The following TEX52 variants were observed in gnomAD, a reference collection of about 807,000 sequenced individuals.
TEX52 encodes the protein testis expressed 52, also known as testis-expressed protein 52.
A neutral mutation model predicts 17.6 loss-of-function variants in TEX52; 22 were observed. That is an observed-to-expected ratio of 1.25 (90% confidence interval 0.89 to 1.78). The LOEUF (loss-of-function observed/expected upper bound fraction) is 1.78. TEX52 is among the 40% of genes most tolerant of loss of function. The probability of loss-of-function intolerance (pLI) is 0.00; values close to 1 mark genes in which losing one functional copy is unlikely to be tolerated. For missense variants in TEX52, 396 were observed against 372.3 expected, an observed-to-expected ratio of 1.06 and a Z score of -0.52; for synonymous variants, 168 against 147.4, an observed-to-expected ratio of 1.14 and a Z score of -1.01.
At chr12:2,854,333 T>C (rs561794670) in intron 2 of TEX52, among the ~76,000 whole-genome samples, 1 of 152,338 alleles carries the variant, frequency 6.6e-6, no homozygotes, top group Admixed American at 6.5e-5. Flanking sequence ...CCATAACATC[T>C]AACTTTTGTT....
intron 2 of TEX52, among the ~76,000 whole-genome samples, chr12:2,850,231 T>G (rs1023266750): frequency 1.3e-5 from 2 of 152,028 alleles, no homozygotes; most frequent in Non-Finnish European, 2.9e-5. Context: ...ATCCCAGCAC[T>G]TTGGGAGGCC....
chr12:2,855,014 C>T lies in TEX52; in HGVS notation c.505G>A (p.Val169Met), dbSNP rs752038319. The change falls in exon 2 of 3, where the codon GTG becomes ATG. Residue 169 changes from valine (V) to methionine (M), a missense_variant. Physicochemically the swap from Val to Met is conservative, Grantham distance 21. Coordinates refer to ENST00000637658, the MANE Select transcript of TEX52 (RefSeq NM_001365174.2). ...TFVDMKRKKQVIFRTVKELKE... is the reference protein window; with the variant it reads ...TFVDMKRKKQMIFRTVKELKE... ...AACTCCTTCACTGTCCTGAAAATCA[C>T]CTGCTTCTTCCTTTTCATGTCCACA... The T allele has an allele frequency of 2.0e-6, 3 of 1,536,156 alleles. No individual in the cohort carries two copies. The highest frequency in any genetic ancestry group is 2.4e-5 in the South Asian group (2 of 84,058).
At chr12:2,848,443 C>T (rs888971315), downstream of TEX52, among the ~76,000 whole-genome samples, 2 of 152,208 alleles carry the variant, frequency 1.3e-5, no homozygotes, top group Admixed American at 1.3e-4. Context: ...AAGCTGAGGC[C>T]CAAGGCCTCT....
At chr12:2,854,051 GTT>G (rs2098079570) in intron 2 of TEX52, among the ~76,000 whole-genome samples, 4 of 152,328 alleles carry the variant, frequency 2.6e-5, no homozygotes, top group Non-Finnish European at 5.9e-5. Context: ...TAGAGATGGA[GTT>G]TCTCTCTTGT....
chr12:2,856,919 C>T, intron 1 of TEX52, 36 bp downstream of exon 1: 1 of 702,922 alleles, frequency 1.4e-6, no homozygotes. Flanking sequence ...CAGTGGGGTA[C>T]AAAAAGGTAG....
chr12:2,855,994 G>C (rs538885369), intron 1 of TEX52, among the ~76,000 whole-genome samples: 1 of 152,014 alleles, frequency 6.6e-6, no homozygotes, highest in Non-Finnish European at 1.5e-5. Flanking sequence ...TCATTAAAAC[G>C]CTAGTATAGA....
chr12:2,854,420 G>C (rs1047073309), intron 2 of TEX52, among the ~76,000 whole-genome samples: 1 of 152,196 alleles, frequency 6.6e-6, no homozygotes, highest in African/African-American at 2.4e-5. Context: ...CCCTTCATCG[G>C]TGAGGGAGCT....
Position 2,849,508 on chromosome 12 carries a change from GC to G in TEX52, c.640del (p.Ala214LeufsTer39). 7 of 1,536,162 alleles carry G rather than the reference GC, an allele frequency of 4.6e-6. No homozygotes were observed. Among genetic ancestry groups the G allele is most frequent in the Non-Finnish European group, 6.1e-6 (7 of 1,146,918 alleles). ...GCCCTGGGGTTCAAACCTCCCACCA[GC>G]GGATATGTGCCGGTACCTGTTGGGA... ...ASFKKYRHIS[A>X]GGRFEPQGLQ... is the part of the protein sequence containing the mutation. On this transcript the variant is annotated frameshift_variant, in exon 3 of 3. Transcript: ENST00000637658. LOFTEE classifies it low-confidence loss of function (END_TRUNC).
At chr12:2,855,562 T>C (rs908211437) in intron 1 of TEX52, 116 bp from the exon 2 acceptor site, 1 of 805,902 alleles carries the variant, frequency 1.2e-6, no homozygotes. Flanking sequence ...AGGATTCTCA[T>C]GAGGACGCAG....
In TEX52 at chr12:2,854,825, G is replaced by A; in HGVS notation, c.623+71C>T. On this transcript the variant is annotated intron_variant, in intron 2 of 2. Coordinates refer to ENST00000637658, the MANE Select transcript of TEX52 (RefSeq NM_001365174.2). ...AGGACAGAGTCCCGGTTAGAAACAG[G>A]AACCTGAGAGAGGGAGGGGTCACCT... 4 of 1,422,948 alleles carry A rather than the reference G, an allele frequency of 2.8e-6. No homozygotes were observed. The South Asian group carries it at 5.7e-5, about 20-fold the overall frequency. The allele number at this position is 1,422,948 out of a possible 1,614,324, so 88.1% of individuals were successfully genotyped here.
At position 2,855,441 on chromosome 12, in the gene TEX52, G is replaced by A; in HGVS notation, c.78C>T (p.Val26=). Residue 26 remains valine (V), a synonymous_variant, in exon 2 of 3, where the codon GTC becomes GTT. Transcript: ENST00000637658. Reference sequence around the variant, plus strand: ...AGGGTGGGAGGGACTCGCTGGCCTGGACCATCTAGGGAGAGACAAAAGGGA... The same window carrying A: ...AGGGTGGGAGGGACTCGCTGGCCTGAACCATCTAGGGAGAGACAAAAGGGA... ...SHMEEPFLQM[V]QASESLPPSQ... 1.4e-6 allele frequency: 2 copies of A among 1,466,374 alleles called. No homozygotes were observed. Among genetic ancestry groups the A allele is most frequent in the South Asian group, 1.4e-5 (1 of 73,680 alleles). 90.8% of individuals were successfully genotyped at this position (1,466,374 alleles called of 1,614,324 possible).
downstream of TEX52, among the ~76,000 whole-genome samples, chr12:2,848,239 G>T (rs567953269): frequency 3.3e-5 from 5 of 152,310 alleles, no homozygotes; most frequent in East Asian, 7.7e-4. Context: ...CCCAGCAGGT[G>T]TGACCATCAA....
At chr12:2,856,737 C>T (rs2098088560) in intron 1 of TEX52, among the ~76,000 whole-genome samples, 1 of 152,174 alleles carries the variant, frequency 6.6e-6, no homozygotes, top group African/African-American at 2.4e-5. Context: ...ACAGGATCAC[C>T]CCAGTGGGTG....
chr12:2,854,811 C>G (rs190959244), intron 2 of TEX52, 85 bp downstream of exon 2: 3 of 1,365,508 alleles, frequency 2.2e-6, no homozygotes, highest in African/African-American at 1.5e-5. Flanking sequence ...GGACAGAGTC[C>G]CGGTTAGAAA....
downstream of TEX52, among the ~76,000 whole-genome samples, chr12:2,848,389 G>A (rs557269396): frequency 6.6e-6 from 1 of 152,216 alleles, no homozygotes; most frequent in East Asian, 1.9e-4. Context: ...CTGTTGCTTT[G>A]CCTGCCTCTA....
chr12:2,854,062 G>C (rs561655042), intron 2 of TEX52, among the ~76,000 whole-genome samples: 1 of 152,208 alleles, frequency 6.6e-6, no homozygotes, highest in South Asian at 2.1e-4. Context: ...TTTCTCTCTT[G>C]TTGCCCCGGC....
intron 2 of TEX52, among the ~76,000 whole-genome samples, chr12:2,853,578 T>C (rs2098078044): frequency 6.6e-6 from 1 of 151,984 alleles, no homozygotes; most frequent in Admixed American, 6.6e-5. Flanking sequence ...CGGCCTGTTT[T>C]TTTTGTTGTT....
intron 2 of TEX52, among the ~76,000 whole-genome samples, chr12:2,853,332 G>A (rs540664727): frequency 6.6e-6 from 1 of 152,148 alleles, no homozygotes; most frequent in East Asian, 1.9e-4. Context: ...CTGGAGTGCA[G>A]TGGCGTGTTG....
chr12:2,849,639 A>G, intron 2 of TEX52, 114 bp from the exon 3 acceptor site: 2 of 1,228,526 alleles, frequency 1.6e-6, no homozygotes, highest in Non-Finnish European at 2.3e-6. Flanking sequence ...GTTAGCCATC[A>G]GGCGGCAGGG....
Sources: allele counts gnomAD v4.1 joint callset (sites outside exome capture counted in the v4.1 genomes callset), GRCh38; gene constraint gnomAD v4.1.1; transcripts MANE v1.5; gene names NCBI Gene and HGNC (gene_info 2026-07-23, HGNC 2026-07-21).